ANKS1B: variants seen among roughly 807,000 people sequenced by gnomAD.
The protein encoded by ANKS1B is ankyrin repeat and sterile alpha motif domain-containing protein 1B.
ANKS1B carries 36 observed loss-of-function variants against 148.3 expected under a neutral mutation model. The ratio of observed to expected loss-of-function variants is 0.24; its 90% CI spans 0.19 to 0.32. ANKS1B has a LOEUF of 0.32. Among genes scored for constraint, ANKS1B ranks in the 10% least tolerant of loss-of-function variants. The pLI is 1.00. For missense variants in ANKS1B, 1,157 were observed against 1,542.6 expected, an observed-to-expected ratio of 0.75 and a Z score of 4.19; for synonymous variants, 542 against 560.8, an observed-to-expected ratio of 0.97 and a Z score of 0.47.
intron 9 of ANKS1B, among the ~76,000 whole-genome samples, chr12:99,551,459 G>T (rs1463890227): frequency 6.7e-6 from 1 of 148,362 alleles, no homozygotes; most frequent in Non-Finnish European, 1.5e-5. Context: ...CCGCTTTATG[G>T]CAGGAACCAT....
At chr12:99,367,957 T>C (rs539988314) in intron 12 of ANKS1B, among the ~76,000 whole-genome samples, 2 of 152,292 alleles carry the variant, frequency 1.3e-5, no homozygotes, top group African/African-American at 4.8e-5. Context: ...ATTTTACAAA[T>C]GAAAATAGAA....
At chr12:98,786,613 T>C (rs1240822136) in intron 22 of ANKS1B, among the ~76,000 whole-genome samples, 3 of 152,206 alleles carry the variant, frequency 2.0e-5, no homozygotes, top group Admixed American at 1.3e-4. Flanking sequence ...GAATCAGTAG[T>C]ATGGAGATAC....
intron 2 of ANKS1B, among the ~76,000 whole-genome samples, chr12:99,822,221 A>G (rs907575030): frequency 6.6e-6 from 1 of 152,182 alleles, no homozygotes; most frequent in African/African-American, 2.4e-5. Context: ...AAGACCCTTG[A>G]GTCACCATTC....
chr12:98,768,041 C>A (rs1001919625), intron 25 of ANKS1B, among the ~76,000 whole-genome samples: 1 of 152,118 alleles, frequency 6.6e-6, no homozygotes, highest in Admixed American at 6.6e-5. Flanking sequence ...TTCTGCTCAC[C>A]CTACAGTTCC....
chr12:99,181,179 C>T (rs1029822056), intron 14 of ANKS1B, among the ~76,000 whole-genome samples: 12 of 152,050 alleles, frequency 7.9e-5, no homozygotes, highest in African/African-American at 2.9e-4. Flanking sequence ...TTTCTCTTGT[C>T]AATCCATGTT....
intron 1 of ANKS1B, among the ~76,000 whole-genome samples, chr12:99,902,945 T>TTGTTGTTGTTG: frequency 7.2e-6 from 1 of 138,756 alleles, no homozygotes; most frequent in African/African-American, 2.7e-5. Context: ...GCTGTTGTTG[T>TTGTTGTTGTTG]TTTTAGAGAC....
At chr12:99,966,914 C>G (rs1040384373) in intron 1 of ANKS1B, among the ~76,000 whole-genome samples, 4 of 152,034 alleles carry the variant, frequency 2.6e-5, no homozygotes, top group African/African-American at 9.7e-5. Context: ...TCTTTGGTGA[C>G]CAGTACCACT....
At chr12:99,497,830 T>A (rs1049226309) in intron 10 of ANKS1B, among the ~76,000 whole-genome samples, 6 of 151,796 alleles carry the variant, frequency 4.0e-5, no homozygotes, top group African/African-American at 1.5e-4. Context: ...AGTCTTTCTC[T>A]TTCTCTCTCT....
intron 17 of ANKS1B, among the ~76,000 whole-genome samples, chr12:98,929,039 AATAC>A (rs2099811462): frequency 7.0e-6 from 1 of 143,272 alleles, no homozygotes; most frequent in African/African-American, 2.7e-5. Flanking sequence ...AGAAAACCCT[AATAC>A]ACACACACAC....
intron 14 of ANKS1B, among the ~76,000 whole-genome samples, chr12:99,235,136 G>A (rs569169907): frequency 6.6e-6 from 1 of 152,260 alleles, no homozygotes; most frequent in African/African-American, 2.4e-5. Context: ...TAGGTAGAAA[G>A]AGAAGAAAAA....
intron 17 of ANKS1B, among the ~76,000 whole-genome samples, chr12:98,938,118 T>G (rs2099822008): frequency 6.6e-6 from 1 of 152,186 alleles, no homozygotes; most frequent in African/African-American, 2.4e-5. Flanking sequence ...CATGGCTTCT[T>G]AAATCTTTTT....
intron 15 of ANKS1B, among the ~76,000 whole-genome samples, chr12:99,131,824 G>A (rs1228699610): frequency 3.3e-5 from 5 of 152,148 alleles, no homozygotes; most frequent in African/African-American, 9.7e-5. Context: ...ACAGGGGGCC[G>A]CCTACTCAGC....
chr12:99,135,733 T>C (rs1169628810), intron 15 of ANKS1B, among the ~76,000 whole-genome samples: 2 of 152,228 alleles, frequency 1.3e-5, no homozygotes, highest in East Asian at 3.8e-4. Context: ...CTCAGCTGTT[T>C]CTTTTATAAA....
intron 16 of ANKS1B, 48 bp from the exon 17 acceptor site, chr12:99,053,357 C>G (rs1430093644): frequency 7.1e-7 from 1 of 1,415,212 alleles, no homozygotes; most frequent in Non-Finnish European, 9.4e-7. Flanking sequence ...ACTTTGTGTC[C>G]CAACAACAGA....
At chr12:99,949,701 C>T (rs1324883538) in intron 1 of ANKS1B, among the ~76,000 whole-genome samples, 1 of 152,112 alleles carries the variant, frequency 6.6e-6, no homozygotes, top group East Asian at 1.9e-4. Context: ...CCTCTGCCAC[C>T]CTCTTTTGCC....
chr12:99,659,652 CTGTG>C (rs2098466528), intron 8 of ANKS1B, among the ~76,000 whole-genome samples: 1 of 148,298 alleles, frequency 6.7e-6, no homozygotes, highest in Admixed American at 6.9e-5. Flanking sequence ...GTTTGTGTGT[CTGTG>C]TGTGTGCATG....
At chr12:99,426,897 T>A (rs1353253660) in intron 11 of ANKS1B, among the ~76,000 whole-genome samples, 1 of 152,152 alleles carries the variant, frequency 6.6e-6, no homozygotes, top group Non-Finnish European at 1.5e-5. Context: ...TTTGCCTAGA[T>A]CTCACCATTT....
intron 15 of ANKS1B, among the ~76,000 whole-genome samples, chr12:99,089,620 T>C (rs2053357977): frequency 1.3e-5 from 2 of 152,156 alleles, no homozygotes; most frequent in Admixed American, 6.5e-5. Context: ...TCAAAAATAC[T>C]CATGAGTTTT....
intron 1 of ANKS1B, among the ~76,000 whole-genome samples, chr12:99,972,454 G>T (rs79383690): frequency 0.02 from 3,083 of 152,254 alleles, 119 homozygotes; most frequent in African/African-American, 0.07. Context: ...AAGTTTGAGG[G>T]GTCTGGATAG....
Sources: gnomAD v4.1 joint callset for allele counts (sites outside exome capture counted in the v4.1 genomes callset) on GRCh38, gnomAD v4.1.1 for gene constraint, MANE v1.5 for transcripts, NCBI Gene and HGNC (gene_info 2026-07-23, HGNC 2026-07-21) for gene names.